Variants in AMOTL1 observed in about 807,000 individuals in gnomAD.
AMOTL1 encodes the protein angiomotin-like protein 1.
In AMOTL1, 45 loss-of-function variants were observed where a neutral mutation model predicts 102.9. That is an observed-to-expected ratio of 0.44 (90% CI 0.34 to 0.56). The LOEUF is 0.56. AMOTL1 is among the 20% of genes least tolerant of loss of function. The pLI, the probability that AMOTL1 is intolerant of heterozygous loss-of-function variation, is 0.01. For synonymous variants in AMOTL1, 481 were observed against 484.7 expected (o/e 0.99, Z 0.10); for missense variants, 1,114 against 1,225.6 (o/e 0.91, Z 1.36).
intron 1 of AMOTL1, among the ~76,000 whole-genome samples, chr11:94,775,886 A>C (rs1451232839): frequency 2.0e-5 from 3 of 152,196 alleles, no homozygotes; most frequent in Non-Finnish European, 4.4e-5. Context: ...TTGGAGGCTC[A>C]TTCCATTTGA....
intron 1 of AMOTL1, among the ~76,000 whole-genome samples, chr11:94,715,820 T>C (rs1950087852): frequency 6.6e-6 from 1 of 152,168 alleles, no homozygotes; most frequent in Non-Finnish European, 1.5e-5. Flanking sequence ...AGTTTAATTA[T>C]AATGTGTCTT....
intron 6 of AMOTL1, among the ~76,000 whole-genome samples, chr11:94,845,028 A>G (rs1330299984): frequency 2.6e-5 from 4 of 152,230 alleles, no homozygotes; most frequent in East Asian, 3.8e-4. Context: ...AGCCCCAGCC[A>G]TAAGTGGGAG....
Position 94,816,777 on chromosome 11 carries a change from C to A in AMOTL1, c.1122-4753C>A, listed in dbSNP as rs145907731. Among the ~76,000 whole-genome samples, 6 of 152,156 alleles carry A rather than the reference C, an allele frequency of 3.9e-5. No homozygotes were observed. The East Asian group carries it at 1.2e-3, about 29-fold the overall frequency. On this transcript the variant is annotated intron_variant, in intron 3 of 12. Transcript: ENST00000433060. ...GCAGTTAAAACCTCATCTTCAGATC[C>A]GGTAGAAGATGCCAACCAAAATAAA...
chr11:94,805,210 TG>T (rs796886042), intron 3 of AMOTL1, among the ~76,000 whole-genome samples: 42 of 152,352 alleles, frequency 2.8e-4, no homozygotes, highest in African/African-American at 9.6e-4. Flanking sequence ...TCACATGTGA[TG>T]TCCAGCCTGT....
chr11:94,753,139 G>C (rs1950677066), intron 3 of AMOTL1, among the ~76,000 whole-genome samples: 1 of 152,076 alleles, frequency 6.6e-6, no homozygotes, highest in African/African-American at 2.4e-5. Context: ...GCTGTGGTGG[G>C]GGTTAACTTC....
At chr11:94,724,564 T>A (rs1950225186) in intron 1 of AMOTL1, among the ~76,000 whole-genome samples, 1 of 152,108 alleles carries the variant, frequency 6.6e-6, no homozygotes, top group Non-Finnish European at 1.5e-5. Context: ...TATTTGCAGA[T>A]CCCTGGTTTA....
chr11:94,811,064 A>G lies in AMOTL1; in HGVS notation c.1122-10466A>G, dbSNP rs183482199. Among the ~76,000 whole-genome samples the G allele has an allele frequency of 6.0e-3, 907 of 152,254 alleles. 16 individuals carry two copies. Among genetic ancestry groups the G allele is most frequent in the African/African-American group, 0.021 (870 of 41,530 alleles). On this transcript the variant is annotated intron_variant, in intron 3 of 12. Coordinates refer to ENST00000433060, the MANE Select transcript of AMOTL1 (RefSeq NM_130847.3). ...TCCCAGGCTATCGTGGTGACAAAAAATTGGGGGCAGAACCTTAGCTACCTT... is the reference window on the plus strand; with the variant it reads ...TCCCAGGCTATCGTGGTGACAAAAAGTTGGGGGCAGAACCTTAGCTACCTT...
At position 94,795,122 on chromosome 11, in the gene AMOTL1, T is replaced by C; in HGVS notation, c.161T>C (p.Leu54Ser). The C allele has an allele frequency of 6.2e-7, 1 of 1,613,940 alleles. No homozygotes were observed. Among genetic ancestry groups the C allele is most frequent in the African/African-American group, 1.3e-5 (1 of 75,042 alleles). Residue 54 changes from leucine to serine, a missense_variant, in exon 2 of 13, where the codon TTG becomes TCG. Physicochemically the swap from Leu to Ser is moderately radical, Grantham distance 145. Transcript: ENST00000433060. ...TCTGGGAGGCATGAAACATCTGCTT[T>C]GACGGTGGAGGCAACCAGTAGCATC... The part of the protein sequence containing the change: ...LYSGRHETSA[L>S]TVEATSSIRE...
chr11:94,768,295 C>G (rs370869454), upstream of AMOTL1: 20 of 1,339,540 alleles, frequency 1.5e-5, no homozygotes, highest in East Asian at 3.4e-4. Flanking sequence ...GTTCTAGTGA[C>G]GAGCCCGGGC....
chr11:94,869,623 C>A, intron 12 of AMOTL1, 150 bp downstream of exon 12: 1 of 920,440 alleles, frequency 1.1e-6, no homozygotes, highest in East Asian at 2.7e-5. Context: ...ATATGTGTGC[C>A]CTTTCTTATT....
chr11:94,718,320 C>T (rs1950124879), intron 1 of AMOTL1, among the ~76,000 whole-genome samples: 1 of 151,718 alleles, frequency 6.6e-6, no homozygotes, highest in South Asian at 2.1e-4. Context: ...ATAACTATAC[C>T]TTACTTTAAC....
chr11:94,825,203 A>G (rs1469765753), intron 4 of AMOTL1, among the ~76,000 whole-genome samples: 1 of 152,188 alleles, frequency 6.6e-6, no homozygotes, highest in African/African-American at 2.4e-5. Flanking sequence ...CCATCAGGGA[A>G]TAGACGGGCA....
intron 1 of AMOTL1, among the ~76,000 whole-genome samples, chr11:94,706,828 C>T (rs1949936610): frequency 1.3e-5 from 2 of 152,106 alleles, no homozygotes; most frequent in Admixed American, 6.5e-5. Flanking sequence ...GTGTAGGAAT[C>T]TAATCGGGGC....
intron 8 of AMOTL1, among the ~76,000 whole-genome samples, chr11:94,856,424 C>G (rs560737058): frequency 6.6e-6 from 1 of 152,104 alleles, no homozygotes; most frequent in African/African-American, 2.4e-5. Context: ...CAAAGTGTAT[C>G]TAAACTCATT....
chr11:94,841,851 T>C (rs1952309115), intron 6 of AMOTL1, among the ~76,000 whole-genome samples: 1 of 152,250 alleles, frequency 6.6e-6, no homozygotes, highest in East Asian at 1.9e-4. Context: ...TAAAGTGCAA[T>C]GTGAGGAATA....
intron 6 of AMOTL1, among the ~76,000 whole-genome samples, chr11:94,838,603 C>G (rs776223330): frequency 7.2e-5 from 11 of 152,028 alleles, no homozygotes; most frequent in Non-Finnish European, 1.6e-4. Flanking sequence ...GACCTCGGTT[C>G]CAGGAACCTA....
chr11:94,859,061 C>T (rs537867906), intron 8 of AMOTL1, among the ~76,000 whole-genome samples: 2 of 152,286 alleles, frequency 1.3e-5, no homozygotes. Context: ...CTTCCTTTGC[C>T]TTCCATTTCC....
intron 9 of AMOTL1, among the ~76,000 whole-genome samples, chr11:94,863,489 G>A (rs1038620069): frequency 2.0e-5 from 3 of 152,092 alleles, no homozygotes; most frequent in Non-Finnish European, 2.9e-5. Flanking sequence ...CTACTTGGAA[G>A]GCTGAGACAA....
chr11:94,823,562 T>C (rs1027280672), intron 4 of AMOTL1, among the ~76,000 whole-genome samples: 1 of 152,174 alleles, frequency 6.6e-6, no homozygotes, highest in African/African-American at 2.4e-5. Flanking sequence ...TCTCTCCTAA[T>C]GAAGCTTCAA....
Sources: allele counts gnomAD v4.1 joint callset (sites outside exome capture counted in the v4.1 genomes callset), GRCh38; gene constraint gnomAD v4.1.1; transcripts MANE v1.5; gene names NCBI Gene and HGNC (gene_info 2026-07-23, HGNC 2026-07-21).